The following PPM1H variants were observed in gnomAD, a reference collection of about 807,000 sequenced individuals.
PPM1H encodes the protein protein phosphatase, Mg2+/Mn2+ dependent 1H, also known as protein phosphatase 1H.
In PPM1H, 27 loss-of-function variants were observed where a neutral mutation model predicts 54.9. The ratio of observed to expected loss-of-function variants is 0.49; its 90% CI spans 0.36 to 0.68. The LOEUF (loss-of-function observed/expected upper bound fraction) is 0.68. PPM1H is among the 30% of genes least tolerant of loss of function. The probability of loss-of-function intolerance (pLI) is 0.00; values close to 1 mark genes in which losing one functional copy is unlikely to be tolerated. For synonymous variants in PPM1H, 305 were observed against 270.8 expected (o/e 1.13, Z -1.24); for missense variants, 596 against 667.8 (o/e 0.89, Z 1.19).
At chr12:62,771,295 GACACACACACAC>G (rs4026219) in intron 4 of PPM1H, among the ~76,000 whole-genome samples, 100 of 131,968 alleles carry the variant, frequency 7.6e-4, no homozygotes, top group African/African-American at 1.2e-3. Flanking sequence ...ACTTTGTGAA[GACACACACACAC>G]ACACACACAC....
intron 2 of PPM1H, among the ~76,000 whole-genome samples, chr12:62,816,985 G>T (rs1307726460): frequency 1.3e-5 from 2 of 151,382 alleles, no homozygotes; most frequent in African/African-American, 4.9e-5. Context: ...CCACCAATAA[G>T]GGGCCTTTAA....
intron 6 of PPM1H, among the ~76,000 whole-genome samples, chr12:62,715,619 C>T (rs976540656): frequency 2.4e-4 from 36 of 152,126 alleles, no homozygotes; most frequent in African/African-American, 8.7e-4. Flanking sequence ...CAGACTCATC[C>T]TTAATTATGA....
chr12:62,659,059 G>A lies in PPM1H; in HGVS notation c.1397+8119C>T, dbSNP rs1592528253. On this transcript the variant is annotated intron_variant, in intron 9 of 9. Transcript: ENST00000228705. ...GGCTTCCGGAAGTTCCTGATCCACA[G>A]CGTCAAGGAGCCGGAAGTGCTGCTG... 10 of 726,504 alleles carry A rather than the reference G, an allele frequency of 1.4e-5. No individual in the cohort carries two copies. The East Asian group carries it at 2.4e-4, about 17-fold the overall frequency. 45.0% of individuals were successfully genotyped at this position (726,504 alleles called of 1,614,324 possible). A position where few individuals can be genotyped will look rare whatever the true frequency, so the allele number is the denominator to read the frequency against.
At chr12:62,685,599 T>A (rs897412197) in intron 8 of PPM1H, among the ~76,000 whole-genome samples, 5 of 152,290 alleles carry the variant, frequency 3.3e-5, no homozygotes, top group Admixed American at 2.0e-4. Context: ...GAAGATTAAA[T>A]GAGATGTGTC....
At chr12:62,884,501 CAAA>C (rs6144736) in intron 1 of PPM1H, among the ~76,000 whole-genome samples, 4,752 of 89,954 alleles carry the variant, frequency 0.053, 203 homozygotes, top group African/African-American at 0.16. Context: ...AACTCCATAT[CAAA>C]AAAAAAAAAA....
intron 3 of PPM1H, among the ~76,000 whole-genome samples, chr12:62,790,594 C>T (rs1466716991): frequency 1.3e-5 from 2 of 151,810 alleles, no homozygotes; most frequent in Non-Finnish European, 2.9e-5. Flanking sequence ...AAAATAACAA[C>T]AAAAACCAGT....
intron 4 of PPM1H, among the ~76,000 whole-genome samples, chr12:62,741,115 C>A (rs2076378932): frequency 6.6e-6 from 1 of 152,148 alleles, no homozygotes; most frequent in African/African-American, 2.4e-5. Flanking sequence ...TTCTAGCATT[C>A]TCTATCTCCG....
chr12:62,902,025 C>T (rs1218121038), intron 1 of PPM1H, among the ~76,000 whole-genome samples: 1 of 152,126 alleles, frequency 6.6e-6, no homozygotes, highest in Non-Finnish European at 1.5e-5. Flanking sequence ...TCCTCTAAAA[C>T]CGATTCAGAG....
At chr12:62,652,417 A>C (rs571554969) in intron 9 of PPM1H, among the ~76,000 whole-genome samples, 100 of 152,306 alleles carry the variant, frequency 6.6e-4, no homozygotes, top group African/African-American at 2.3e-3. Flanking sequence ...TATTAGTAGC[A>C]CATGGCTAAT....
chr12:62,817,129 A>G (rs1454546516), intron 2 of PPM1H, among the ~76,000 whole-genome samples: 3 of 123,926 alleles, frequency 2.4e-5, no homozygotes, highest in Admixed American at 7.7e-5. Context: ...AAAAAAAAAA[A>G]AAAAAAAGAA....
rs1872281709 is a variant in PPM1H at position 62,934,925 on chromosome 12, C to T, written c.-189G>A. 1 of 383,986 alleles carries T rather than the reference C, an allele frequency of 2.6e-6. No homozygotes were observed. 23.8% of individuals were successfully genotyped at this position (383,986 alleles called of 1,614,324 possible). On this transcript the variant is annotated 5_prime_UTR_variant, in exon 1 of 10. Transcript: ENST00000228705. This position sits in a 1 kb window ranked among gnomAD's most constrained non-coding sequence, Gnocchi z 4.2. ...AGCCCCGGCCTCTCGTGCTTAGTGC[C>T]GCGGTGGCCGCCGCCTCCCCCCGCT... is the stretch of plus-strand genomic sequence containing the variant.
chr12:62,679,914 C>T (rs1042173295), intron 8 of PPM1H, among the ~76,000 whole-genome samples: 15 of 152,198 alleles, frequency 9.9e-5, no homozygotes, highest in Admixed American at 7.9e-4. Context: ...CCTGGAAAGA[C>T]AGATGATTAT....
chr12:62,915,278 T>C (rs923400133), intron 1 of PPM1H, among the ~76,000 whole-genome samples: 4 of 152,218 alleles, frequency 2.6e-5, no homozygotes, highest in Non-Finnish European at 5.9e-5. Flanking sequence ...CAGTGGCTCT[T>C]TATTTCTTGG....
At chr12:62,919,459 A>G (rs1336822024) in intron 1 of PPM1H, among the ~76,000 whole-genome samples, 1 of 152,134 alleles carries the variant, frequency 6.6e-6, no homozygotes, top group Non-Finnish European at 1.5e-5. Flanking sequence ...GCTAATGACT[A>G]ACATTGTGGG....
At chr12:62,819,619 A>C (rs2076889827) in intron 2 of PPM1H, among the ~76,000 whole-genome samples, 1 of 152,186 alleles carries the variant, frequency 6.6e-6, no homozygotes, top group Non-Finnish European at 1.5e-5. Flanking sequence ...AGTGCAGAAC[A>C]CCTTAAAACA....
At chr12:62,670,219 C>T (rs1234516815) in intron 8 of PPM1H, among the ~76,000 whole-genome samples, 1 of 151,972 alleles carries the variant, frequency 6.6e-6, no homozygotes, top group Non-Finnish European at 1.5e-5. Context: ...TCAGGTGATC[C>T]ACCCACCTCG....
intron 9 of PPM1H, chr12:62,659,194 A>G (rs917197425): frequency 4.1e-5 from 28 of 677,012 alleles, no homozygotes; most frequent in Middle Eastern, 4.3e-4. Context: ...ACCAACCCCA[A>G]TGCCAGGCTG....
At chr12:62,914,614 C>T (rs1871563489) in intron 1 of PPM1H, among the ~76,000 whole-genome samples, 2 of 152,202 alleles carry the variant, frequency 1.3e-5, no homozygotes, top group Non-Finnish European at 2.9e-5. Flanking sequence ...AAGACACAAG[C>T]GTGCTGTGTG....
At chr12:62,705,018 C>A (rs186661513) in intron 6 of PPM1H, among the ~76,000 whole-genome samples, 1 of 152,194 alleles carries the variant, frequency 6.6e-6, no homozygotes, top group Non-Finnish European at 1.5e-5. Context: ...AGAGATTGCT[C>A]TCATTTTGCT....
Sources: allele counts gnomAD v4.1 joint callset (sites outside exome capture counted in the v4.1 genomes callset), GRCh38; gene constraint gnomAD v4.1.1; non-coding constraint Gnocchi (gnomAD v3.1); transcripts MANE v1.5; gene names NCBI Gene and HGNC (gene_info 2026-07-23, HGNC 2026-07-21).